Variants in PACRG observed in about 807,000 individuals in gnomAD.
PACRG encodes the protein parkin coregulated.
A neutral mutation model predicts 29.7 loss-of-function variants in PACRG; 29 were observed. That is an observed-to-expected ratio of 0.98 (90% CI 0.73 to 1.33). PACRG has a LOEUF of 1.33. PACRG is among the 40% of genes most tolerant of loss of function. The pLI, the probability that PACRG is intolerant of heterozygous loss-of-function variation, is 0.00. For missense variants in PACRG, 279 were observed against 316.2 expected (o/e 0.88, Z 0.89); for synonymous variants, 116 against 118.7 (o/e 0.98, Z 0.15).
intron 2 of PACRG, among the ~76,000 whole-genome samples, chr6:162,875,457 A>C (rs553899575): frequency 6.6e-6 from 1 of 152,330 alleles, no homozygotes; most frequent in Non-Finnish European, 1.5e-5. Context: ...ATTCATACAC[A>C]GACATTCACA....
intron 1 of PACRG, among the ~76,000 whole-genome samples, chr6:162,755,208 G>A (rs1173824891): frequency 6.6e-6 from 1 of 151,794 alleles, no homozygotes; most frequent in Non-Finnish European, 1.5e-5. Context: ...CTAACTAAGG[G>A]TTTGTCAATT....
chr6:163,266,786 AGGCT>A (rs1178484218), intron 4 of PACRG, among the ~76,000 whole-genome samples: 2 of 152,212 alleles, frequency 1.3e-5, no homozygotes, highest in African/African-American at 4.8e-5. Flanking sequence ...CTGGAGAGCC[AGGCT>A]GGGGCTGATA....
chr6:163,151,766 A>G (rs1265127207), intron 4 of PACRG, among the ~76,000 whole-genome samples: 1 of 152,232 alleles, frequency 6.6e-6, no homozygotes, highest in Non-Finnish European at 1.5e-5. Flanking sequence ...TATCAATTAT[A>G]TAGCCTTAAT....
intron 2 of PACRG, among the ~76,000 whole-genome samples, chr6:163,032,757 T>C (rs1377816622): frequency 3.3e-5 from 5 of 152,218 alleles, no homozygotes; most frequent in Non-Finnish European, 7.3e-5. Flanking sequence ...GCATTATTGA[T>C]GTCAGACCCA....
chr6:163,217,561 G>A (rs762716865), intron 4 of PACRG, among the ~76,000 whole-genome samples: 2 of 152,212 alleles, frequency 1.3e-5, no homozygotes, highest in African/African-American at 4.8e-5. Flanking sequence ...CCATGGACTG[G>A]CACTGGTCTG....
At chr6:162,906,669 T>A (rs867761248) in intron 2 of PACRG, among the ~76,000 whole-genome samples, 16 of 152,202 alleles carry the variant, frequency 1.1e-4, no homozygotes, top group Non-Finnish European at 4.4e-5. Flanking sequence ...TACCTGTACA[T>A]CAATACTACA....
intron 4 of PACRG, among the ~76,000 whole-genome samples, chr6:163,135,123 G>A (rs916679464): frequency 8.6e-5 from 13 of 151,656 alleles, no homozygotes; most frequent in African/African-American, 2.7e-4. Flanking sequence ...TCTTCAACAC[G>A]CTTTCTTATG....
intron 4 of PACRG, among the ~76,000 whole-genome samples, chr6:163,247,745 C>A (rs187928030): frequency 1.3e-5 from 2 of 152,318 alleles, no homozygotes; most frequent in East Asian, 3.9e-4. Context: ...GCTGTTAACA[C>A]AACCTCCTAC....
At chr6:162,736,616 C>G (rs987073308) in intron 1 of PACRG, among the ~76,000 whole-genome samples, 1 of 150,916 alleles carries the variant, frequency 6.6e-6, no homozygotes, top group African/African-American at 2.4e-5. Context: ...AGACCAGGCT[C>G]CCAGCTACTG....
At chr6:162,884,708 G>A (rs1029092688) in intron 2 of PACRG, among the ~76,000 whole-genome samples, 3 of 151,392 alleles carry the variant, frequency 2.0e-5, no homozygotes, top group African/African-American at 7.4e-5. Context: ...TAAAATAACA[G>A]TGTTAACATG....
chr6:163,308,704 A>G lies in PACRG; in HGVS notation c.614-6123A>G, dbSNP rs542104616. Among the ~76,000 whole-genome samples, 5 of 151,914 alleles carry G rather than the reference A, an allele frequency of 3.3e-5. No individual in the cohort carries two copies. In the East Asian group the frequency reaches 5.8e-4, roughly 18 times the overall value. On this transcript the variant is annotated intron_variant, in intron 4 of 4. Transcript: ENST00000366888. The stretch of plus-strand genomic sequence containing the variant: ...AGGAAAATTTATTCAGAATCATCCA[A>G]CAGAGAATCTGTGATGGCTTAGTGT...
chr6:163,298,476 G>A (rs1329264603), intron 4 of PACRG, among the ~76,000 whole-genome samples: 1 of 152,226 alleles, frequency 6.6e-6, no homozygotes, highest in Admixed American at 6.5e-5. Flanking sequence ...AACAATCAAT[G>A]TGGCAGCCTA....
intron 4 of PACRG, chr6:163,165,704 C>A: frequency 4.6e-6 from 1 of 219,724 alleles, no homozygotes; most frequent in Non-Finnish European, 9.2e-6. Context: ...TTCAAGCCTT[C>A]AAGTCGGTTC....
At chr6:162,932,078 A>G (rs1306683985) in intron 2 of PACRG, among the ~76,000 whole-genome samples, 1 of 152,070 alleles carries the variant, frequency 6.6e-6, no homozygotes, top group African/African-American at 2.4e-5. Flanking sequence ...CTACTCAGCA[A>G]TAAAAAGAAA....
intron 1 of PACRG, among the ~76,000 whole-genome samples, chr6:162,775,532 A>G (rs967540217): frequency 1.3e-5 from 2 of 152,242 alleles, no homozygotes; most frequent in African/African-American, 2.4e-5. Flanking sequence ...TACTTGAGTC[A>G]TAAGTAATTA....
chr6:162,983,729 G>A (rs879491757), intron 2 of PACRG, among the ~76,000 whole-genome samples: 8 of 151,976 alleles, frequency 5.3e-5, no homozygotes, highest in Non-Finnish European at 8.8e-5. Flanking sequence ...TCGCTTCACA[G>A]CTCTTAAGAT....
chr6:162,783,768 T>G (rs1298396933), intron 1 of PACRG, among the ~76,000 whole-genome samples: 47 of 152,082 alleles, frequency 3.1e-4, no homozygotes, highest in Admixed American at 3.0e-3. Flanking sequence ...TGAGACCTAT[T>G]GTTAAACTTC....
At chr6:163,098,266 G>T (rs1287620115) in intron 4 of PACRG, among the ~76,000 whole-genome samples, 4 of 152,122 alleles carry the variant, frequency 2.6e-5, no homozygotes, top group African/African-American at 9.7e-5. Context: ...CATGCCCCCT[G>T]CCTGTGTGTG....
At chr6:162,960,532 T>C (rs58489634) in intron 2 of PACRG, among the ~76,000 whole-genome samples, 23,694 of 152,112 alleles carry the variant, frequency 0.16, 3,237 homozygotes, top group African/African-American at 0.36. Context: ...CACATTCTCT[T>C]TTATAAGTGA....
Sources: gnomAD v4.1 joint callset for allele counts (sites outside exome capture counted in the v4.1 genomes callset) on GRCh38, gnomAD v4.1.1 for gene constraint, MANE v1.5 for transcripts, NCBI Gene and HGNC (gene_info 2026-07-23, HGNC 2026-07-21) for gene names.